The following CNNM2 variants were observed in gnomAD, a reference collection of about 807,000 sequenced individuals.
CNNM2 encodes the protein cyclin and CBS domain divalent metal cation transport mediator 2.
Under a neutral mutation model 66.9 loss-of-function variants are expected in CNNM2, and 12 were observed. The observed-to-expected ratio is 0.18, with a 90% confidence interval of 0.11 to 0.29. The LOEUF (loss-of-function observed/expected upper bound fraction) is 0.29, where lower values mean the gene tolerates loss of function less well. CNNM2 is among the 10% of genes least tolerant of loss of function. The probability of loss-of-function intolerance (pLI) is 1.00; values close to 1 mark genes in which losing one functional copy is unlikely to be tolerated. For missense variants in CNNM2, 705 were observed against 1,167.7 expected, an observed-to-expected ratio of 0.60 and a Z score of 5.77; for synonymous variants, 557 against 501.8, an observed-to-expected ratio of 1.11 and a Z score of -1.47.
In CNNM2 at chr10:103,049,813, C is replaced by T. The variant is rs754762020; in HGVS notation, c.1728C>T (p.Ile576=). The T allele has an allele frequency of 6.2e-7, 1 of 1,613,782 alleles. No homozygotes were observed. Among genetic ancestry groups the T allele is most frequent in the South Asian group, 1.1e-5 (1 of 91,082 alleles). ...CCTTAGAAGATGTGATTGAAGAAAT[C>T]ATCAAATCTGAGATTCTTGATGAAA... The part of the protein sequence containing the change: ...IVTLEDVIEE[I]IKSEILDETD... The change falls in exon 2 of 8, where the codon ATC becomes ATT. Residue 576 remains isoleucine (I), a synonymous_variant. Transcript: ENST00000369878.
intron 1 of CNNM2, among the ~76,000 whole-genome samples, chr10:102,940,461 C>G (rs1401768265): frequency 6.6e-6 from 1 of 152,082 alleles, no homozygotes; most frequent in Admixed American, 6.6e-5. Flanking sequence ...CTCTGTCACC[C>G]AGGCTGGAGT....
intron 1 of CNNM2, among the ~76,000 whole-genome samples, chr10:103,047,332 C>A (rs1173315131): frequency 6.6e-6 from 1 of 152,130 alleles, no homozygotes; most frequent in Non-Finnish European, 1.5e-5. Context: ...CTGACCAGTA[C>A]CCTTCAATAT....
chr10:103,068,579 C>T (rs773411889), intron 4 of CNNM2, 50 bp from the exon 5 acceptor site: 18 of 1,423,680 alleles, frequency 1.3e-5, no homozygotes, highest in Non-Finnish European at 1.7e-5. Flanking sequence ...CAGAGTGTGC[C>T]AGTAGGCTTT....
At position 103,056,934 on chromosome 10, in the gene CNNM2, G is replaced by A. The variant is rs2065305095; in HGVS notation, c.2043G>A (p.Lys681=). The A allele has an allele frequency of 6.2e-7, 1 of 1,613,020 alleles. No individual in the cohort carries two copies. The highest frequency in any genetic ancestry group is 8.5e-7 in the Non-Finnish European group (1 of 1,179,656). ...AATACTACCTCTACCAGCGCAACAA[G>A]CCAGTAGACTACTTCGTTCTCATTC... ...APEYYLYQRN[K]PVDYFVLILQ... is the part of the protein sequence containing the mutation. Residue 681 remains lysine (K), a synonymous_variant, in exon 4 of 8, where the codon AAG becomes AAA. Transcript: ENST00000369878.
At chr10:103,050,285 A>T (rs2065194178) in intron 2 of CNNM2, among the ~76,000 whole-genome samples, 1 of 152,136 alleles carries the variant, frequency 6.6e-6, no homozygotes, top group Non-Finnish European at 1.5e-5. Flanking sequence ...TAATCCCAGC[A>T]CTTTAGGAGG....
chr10:103,004,110 C>T (rs1289297290), intron 1 of CNNM2, among the ~76,000 whole-genome samples: 3 of 121,222 alleles, frequency 2.5e-5, no homozygotes, highest in African/African-American at 9.3e-5. Flanking sequence ...TCAAGCGATT[C>T]TCCTACCTCA....
chr10:102,974,059 C>T (rs910688947), intron 1 of CNNM2, among the ~76,000 whole-genome samples: 7 of 152,194 alleles, frequency 4.6e-5, no homozygotes, highest in South Asian at 2.1e-4. Flanking sequence ...AAGGCATTGA[C>T]GTCCTTGGGA....
At chr10:102,957,872 T>C (rs1267497801) in intron 1 of CNNM2, among the ~76,000 whole-genome samples, 1 of 152,252 alleles carries the variant, frequency 6.6e-6, no homozygotes, top group Non-Finnish European at 1.5e-5. Flanking sequence ...TAGAATATAG[T>C]ACTAAAGGGC....
At chr10:103,057,099 C>T (rs952667656) in intron 4 of CNNM2, 135 bp downstream of exon 4, 2 of 797,978 alleles carry the variant, frequency 2.5e-6, no homozygotes, top group Non-Finnish European at 4.0e-6. Flanking sequence ...AGAATTTTAT[C>T]TTCCTGTTTT....
Position 103,081,905 on chromosome 10 carries a change from A to G in CNNM2, c.*4725A>G, listed in dbSNP as rs2065761379. 6.6e-6 allele frequency: 1 copy of G among 152,188 alleles called. No individual in the cohort carries two copies. Among genetic ancestry groups the G allele is most frequent in the South Asian group, 2.1e-4 (1 of 4,826 alleles). 9.4% of individuals were successfully genotyped at this position (152,188 alleles called of 1,614,324 possible). A position where few individuals can be genotyped will look rare whatever the true frequency, so the allele number is the denominator to read the frequency against. Reference sequence around the variant, plus strand: ...GCTGGGGACCTTCTTTGCTTCTCACACCACTGTGGTTGGCTCAGCTCAAGT... The same window carrying G: ...GCTGGGGACCTTCTTTGCTTCTCACGCCACTGTGGTTGGCTCAGCTCAAGT... On this transcript the variant is annotated 3_prime_UTR_variant, in exon 8 of 8. Transcript: ENST00000369878.
intron 1 of CNNM2, among the ~76,000 whole-genome samples, chr10:102,942,346 A>G (rs949692817): frequency 6.6e-6 from 1 of 152,220 alleles, no homozygotes. Context: ...GCCCATGGCA[A>G]CCAATGTTCT....
intron 1 of CNNM2, among the ~76,000 whole-genome samples, chr10:102,949,806 C>CAATAAT (rs1010381822): frequency 6.6e-6 from 1 of 151,612 alleles, no homozygotes; most frequent in East Asian, 1.9e-4. Context: ...ATAATAATAA[C>CAATAAT]AATAATAATA....
intron 1 of CNNM2, among the ~76,000 whole-genome samples, chr10:102,934,007 CTTT>C (rs34063291): frequency 8.1e-5 from 11 of 135,244 alleles, no homozygotes; most frequent in Admixed American, 1.5e-4. Context: ...CTTATTTTAA[CTTT>C]TTTTTTTTTT....
intron 4 of CNNM2, among the ~76,000 whole-genome samples, chr10:103,057,409 G>A (rs1163422920): frequency 1.3e-5 from 2 of 151,750 alleles, no homozygotes; most frequent in African/African-American, 2.4e-5. Context: ...AGCCCAGGAG[G>A]TTGCCATGTT....
At chr10:103,029,183 G>A (rs2064772936) in intron 1 of CNNM2, among the ~76,000 whole-genome samples, 2 of 151,874 alleles carry the variant, frequency 1.3e-5, no homozygotes, top group African/African-American at 4.8e-5. Context: ...AAAAGTATTG[G>A]CCAGGCATGG....
At chr10:103,045,266 C>T (rs970041007) in intron 1 of CNNM2, among the ~76,000 whole-genome samples, 25 of 152,156 alleles carry the variant, frequency 1.6e-4, no homozygotes, top group African/African-American at 6.0e-4. Context: ...TCCTCGTCTC[C>T]TCTGCTCAAA....
chr10:103,029,760 G>A (rs1430034188), intron 1 of CNNM2, among the ~76,000 whole-genome samples: 1 of 151,970 alleles, frequency 6.6e-6, no homozygotes, highest in Non-Finnish European at 1.5e-5. Flanking sequence ...CAGCTACTAG[G>A]GAGGCTGAGG....
intron 1 of CNNM2, among the ~76,000 whole-genome samples, chr10:102,938,488 C>T (rs1250582613): frequency 6.6e-6 from 1 of 150,522 alleles, no homozygotes; most frequent in South Asian, 2.1e-4. Context: ...AGCATGGTGG[C>T]ACACACCTGT....
At chr10:102,953,919 C>T (rs907733864) in intron 1 of CNNM2, among the ~76,000 whole-genome samples, 2 of 151,886 alleles carry the variant, frequency 1.3e-5, no homozygotes, top group Admixed American at 6.6e-5. Flanking sequence ...TTAATTTTAC[C>T]TAACAACAGC....
Sources: gnomAD v4.1 joint callset for allele counts (sites outside exome capture counted in the v4.1 genomes callset) on GRCh38, gnomAD v4.1.1 for gene constraint, MANE v1.5 for transcripts, NCBI Gene and HGNC (gene_info 2026-07-23, HGNC 2026-07-21) for gene names.